Variants in PALM2AKAP2 observed in about 807,000 individuals in gnomAD.
PALM2AKAP2 encodes PALM2 and AKAP2 fusion.
Under a neutral mutation model 71.5 loss-of-function variants are expected in PALM2AKAP2, and 37 were observed. The observed-to-expected ratio is 0.52, with a 90% CI of 0.40 to 0.68. The LOEUF (loss-of-function observed/expected upper bound fraction) is 0.68. Among genes scored for constraint, PALM2AKAP2 ranks in the 30% least tolerant of loss-of-function variants. The pLI, the probability that PALM2AKAP2 is intolerant of heterozygous loss-of-function variation, is 0.00. For synonymous variants in PALM2AKAP2, 468 were observed against 478.8 expected (o/e 0.98, Z 0.29); for missense variants, 1,224 against 1,191.8 (o/e 1.03, Z -0.40).
At chr9:110,105,766 G>T (rs1835105368) in intron 1 of PALM2AKAP2, among the ~76,000 whole-genome samples, 1 of 152,044 alleles carries the variant, frequency 6.6e-6, no homozygotes, top group African/African-American at 2.4e-5. Context: ...TTATCAGCAG[G>T]CATATCCACA....
chr9:110,046,617 C>G (rs914949495), upstream of PALM2AKAP2, among the ~76,000 whole-genome samples: 1 of 151,926 alleles, frequency 6.6e-6, no homozygotes, highest in African/African-American at 2.4e-5. Flanking sequence ...TGAAGGCATG[C>G]GCCACCACGC....
intron 1 of PALM2AKAP2, among the ~76,000 whole-genome samples, chr9:109,678,677 G>A (rs991306476): frequency 2.0e-5 from 3 of 152,080 alleles, no homozygotes; most frequent in Non-Finnish European, 4.4e-5. Context: ...TACAGACAGA[G>A]GAAATTAAAA....
intron 6 of PALM2AKAP2, among the ~76,000 whole-genome samples, chr9:109,966,480 C>T (rs534979372): frequency 1.5e-4 from 23 of 152,350 alleles, no homozygotes; most frequent in African/African-American, 5.3e-4. Context: ...GAGTGAATGA[C>T]TTAATCTTTC....
intron 1 of PALM2AKAP2, among the ~76,000 whole-genome samples, chr9:110,111,377 G>A (rs1244983489): frequency 5.3e-5 from 8 of 152,068 alleles, no homozygotes; most frequent in Admixed American, 5.2e-4. Context: ...ATAGGCATAA[G>A]CCACTACACC....
At chr9:109,836,176 T>C (rs146166314) in intron 1 of PALM2AKAP2, among the ~76,000 whole-genome samples, 5,650 of 152,212 alleles carry the variant, frequency 0.037, 273 homozygotes, top group African/African-American at 0.11. Flanking sequence ...CCCTCTGAGA[T>C]GAAGCTTCCA....
chr9:109,827,365 C>T (rs1036240739), intron 1 of PALM2AKAP2, among the ~76,000 whole-genome samples: 7 of 152,208 alleles, frequency 4.6e-5, no homozygotes, highest in African/African-American at 1.7e-4. Flanking sequence ...ACTGTAATCC[C>T]AGCACTTTGG....
intron 7 of PALM2AKAP2, among the ~76,000 whole-genome samples, chr9:110,030,945 T>A (rs2132411620): frequency 6.6e-6 from 1 of 152,328 alleles, no homozygotes; most frequent in South Asian, 2.1e-4. Flanking sequence ...CAGAAATTAG[T>A]CAGTGGAGAT....
At chr9:109,991,052 G>A (rs1256822127) in intron 6 of PALM2AKAP2, among the ~76,000 whole-genome samples, 1 of 152,006 alleles carries the variant, frequency 6.6e-6, no homozygotes, top group African/African-American at 2.4e-5. Flanking sequence ...CTGACTGTTG[G>A]GGGTTCTTGA....
chr9:109,659,471 G>T (rs1827357260), intron 1 of PALM2AKAP2, among the ~76,000 whole-genome samples: 1 of 142,930 alleles, frequency 7.0e-6, no homozygotes, highest in African/African-American at 2.6e-5. Flanking sequence ...TATCTATATA[G>T]ATTTTTAAAT....
chr9:110,091,708 C>T (rs765681683), intron 1 of PALM2AKAP2, among the ~76,000 whole-genome samples: 9 of 151,998 alleles, frequency 5.9e-5, no homozygotes, highest in East Asian at 1.9e-4. Flanking sequence ...ATGATCTGCC[C>T]GCCTTGGCCT....
chr9:109,931,218 C>T (rs1460705265), intron 5 of PALM2AKAP2, among the ~76,000 whole-genome samples: 2 of 152,180 alleles, frequency 1.3e-5, no homozygotes, highest in African/African-American at 4.8e-5. Context: ...TCTCACCTCC[C>T]TAAAGAGGCT....
chr9:110,141,427 T>C (rs983186041), intron 2 of PALM2AKAP2, among the ~76,000 whole-genome samples: 7 of 152,342 alleles, frequency 4.6e-5, no homozygotes, highest in African/African-American at 1.4e-4. Flanking sequence ...CTAGAACATT[T>C]AAAGCAGGCA....
chr9:109,891,581 T>C (rs1185045659), intron 3 of PALM2AKAP2, among the ~76,000 whole-genome samples: 1 of 152,112 alleles, frequency 6.6e-6, no homozygotes, highest in Admixed American at 6.6e-5. Context: ...TCCCATCTCC[T>C]GGATTCAAGC....
intron 1 of PALM2AKAP2, among the ~76,000 whole-genome samples, chr9:109,849,214 C>T (rs1039111433): frequency 2.0e-5 from 3 of 152,080 alleles, no homozygotes; most frequent in African/African-American, 7.2e-5. Context: ...CAGCCTTCTG[C>T]CTGGGAACAG....
At chr9:109,834,684 A>C (rs1363919790) in intron 1 of PALM2AKAP2, among the ~76,000 whole-genome samples, 6 of 152,196 alleles carry the variant, frequency 3.9e-5, no homozygotes, top group Admixed American at 6.5e-5. Context: ...TCTGTTTGCT[A>C]AGTGTTACCA....
At chr9:110,044,293 T>C (rs1833557922), upstream of PALM2AKAP2, among the ~76,000 whole-genome samples, 1 of 151,850 alleles carries the variant, frequency 6.6e-6, no homozygotes, top group African/African-American at 2.4e-5. Context: ...TGAGCGAGTC[T>C]TTTTGTTTCT....
intron 1 of PALM2AKAP2, among the ~76,000 whole-genome samples, chr9:109,834,207 CATTT>C (rs1828389575): frequency 6.6e-6 from 1 of 152,082 alleles, no homozygotes; most frequent in South Asian, 2.1e-4. Context: ...AGCGAGACTC[CATTT>C]CAAACAAAAC....
chr9:109,890,483 A>G (rs1830063042), intron 3 of PALM2AKAP2, among the ~76,000 whole-genome samples: 1 of 152,222 alleles, frequency 6.6e-6, no homozygotes, highest in African/African-American at 2.4e-5. Flanking sequence ...CTCCTTAGCC[A>G]ATGCATGCAA....
intron 1 of PALM2AKAP2, among the ~76,000 whole-genome samples, chr9:110,119,612 T>G (rs1835442124): frequency 6.6e-6 from 1 of 152,176 alleles, no homozygotes; most frequent in Admixed American, 6.5e-5. Context: ...CATTACATGC[T>G]GATAACTAAT....
Sources: gnomAD v4.1 joint callset for allele counts (sites outside exome capture counted in the v4.1 genomes callset) on GRCh38, gnomAD v4.1.1 for gene constraint, MANE v1.5 for transcripts, NCBI Gene and HGNC (gene_info 2026-07-23, HGNC 2026-07-21) for gene names.